Variants in GPD1L observed in about 807,000 individuals in gnomAD.
The protein encoded by GPD1L is glycerol-3-phosphate dehydrogenase 1-like protein.
In GPD1L, 17 loss-of-function variants were observed where a neutral mutation model predicts 32.9. The ratio of observed to expected loss-of-function variants is 0.52; its 90% CI spans 0.35 to 0.78. The LOEUF is 0.78. Among genes scored for constraint, GPD1L ranks in the 30% least tolerant of loss-of-function variants. GPD1L has a pLI of 0.01. For synonymous variants in GPD1L, 187 were observed against 165.9 expected, an observed-to-expected ratio of 1.13 and a Z score of -0.98; for missense variants, 361 against 447.8, an observed-to-expected ratio of 0.81 and a Z score of 1.75.
chr3:32,110,974 TC>T (rs1700236327), intron 1 of GPD1L, among the ~76,000 whole-genome samples: 1 of 152,238 alleles, frequency 6.6e-6, no homozygotes, highest in Non-Finnish European at 1.5e-5. Flanking sequence ...CTAGCGATTC[TC>T]ATGCCTCCGC....
intron 1 of GPD1L, among the ~76,000 whole-genome samples, chr3:32,122,049 G>A (rs138385536): frequency 2.0e-5 from 3 of 152,206 alleles, no homozygotes; most frequent in South Asian, 2.1e-4. Flanking sequence ...GATTACAGGC[G>A]TGAGCCACCG....
At chr3:32,145,973 G>A (rs1480832292) in intron 4 of GPD1L, among the ~76,000 whole-genome samples, 1 of 151,892 alleles carries the variant, frequency 6.6e-6, no homozygotes, top group African/African-American at 2.4e-5. Flanking sequence ...CTCCTGGCCA[G>A]TCTCATTTCA....
intron 1 of GPD1L, among the ~76,000 whole-genome samples, chr3:32,112,643 A>T (rs1181148400): frequency 6.6e-6 from 1 of 152,146 alleles, no homozygotes; most frequent in Non-Finnish European, 1.5e-5. Flanking sequence ...ATCTCAAAAA[A>T]ATATATATAA....
intron 5 of GPD1L, chr3:32,158,452 TG>T (rs1368869435): frequency 1.7e-5 from 5 of 288,196 alleles, no homozygotes; most frequent in Non-Finnish European, 2.0e-5. Context: ...GTGCTGGCTA[TG>T]GGGGTATGCT....
chr3:32,140,833 G>T (rs1371740190), intron 4 of GPD1L, among the ~76,000 whole-genome samples: 2 of 152,120 alleles, frequency 1.3e-5, no homozygotes, highest in Non-Finnish European at 2.9e-5. Flanking sequence ...TAAATTACCT[G>T]CCCCAAGATC....
chr3:32,145,719 C>G (rs1700810679), intron 4 of GPD1L, among the ~76,000 whole-genome samples: 1 of 152,162 alleles, frequency 6.6e-6, no homozygotes, highest in Non-Finnish European at 1.5e-5. Flanking sequence ...AACAGTGTTG[C>G]ACAGAGTCAC....
At chr3:32,107,179 G>C (rs896486331) in intron 1 of GPD1L, among the ~76,000 whole-genome samples, 3 of 152,168 alleles carry the variant, frequency 2.0e-5, no homozygotes, top group African/African-American at 7.2e-5. Context: ...TGAGGAAACC[G>C]AGGCGGAGAG....
At chr3:32,123,986 C>T (rs1700467415) in intron 1 of GPD1L, among the ~76,000 whole-genome samples, 1 of 152,176 alleles carries the variant, frequency 6.6e-6, no homozygotes, top group Non-Finnish European at 1.5e-5. Flanking sequence ...GTAGTCAGTA[C>T]TTTTATTTTA....
chr3:32,148,395 C>G (rs1700863352), intron 5 of GPD1L, among the ~76,000 whole-genome samples: 1 of 152,120 alleles, frequency 6.6e-6, no homozygotes, highest in Admixed American at 6.5e-5. Context: ...TGCCAGCTAC[C>G]TTGATGGAAA....
chr3:32,112,015 AC>A (rs1293727021), intron 1 of GPD1L, among the ~76,000 whole-genome samples: 1 of 152,204 alleles, frequency 6.6e-6, no homozygotes, highest in Non-Finnish European at 1.5e-5. Flanking sequence ...GCGCACGGAC[AC>A]ACTTCTGCCT....
In GPD1L at chr3:32,128,177, G is replaced by A. The variant is rs1275749922; in HGVS notation, c.149G>A (p.Arg50Lys). 6.2e-7 allele frequency: 1 copy of A among 1,612,788 alleles called. No homozygotes were observed. Among genetic ancestry groups the A allele is most frequent in the Admixed American group, 1.7e-5 (1 of 60,022 alleles). Residue 50 changes from arginine to lysine, a missense_variant, in exon 2 of 8, where the codon AGA becomes AAA. By Grantham distance (26) the Arg-to-Lys change is conservative. Transcript: ENST00000282541. ...GTCTTTGAAGAAACAGTGAATGGCAGAAAACTGACAGACATCATAAATAAT... is the reference window on the plus strand; with the variant it reads ...GTCTTTGAAGAAACAGTGAATGGCAAAAAACTGACAGACATCATAAATAAT... ...MWVFEETVNG[R>K]KLTDIINNDH...
At chr3:32,143,287 A>G (rs1015904416) in intron 4 of GPD1L, among the ~76,000 whole-genome samples, 2 of 152,174 alleles carry the variant, frequency 1.3e-5, no homozygotes, top group Non-Finnish European at 2.9e-5. Context: ...GAATTAATTA[A>G]TTTTTAAAAG....
chr3:32,165,989 C>T lies in GPD1L; in HGVS notation c.*79C>T. 2.5e-6 allele frequency: 2 copies of T among 813,982 alleles called. No individual in the cohort carries two copies. Among genetic ancestry groups the T allele is most frequent in the Non-Finnish European group, 4.4e-6 (2 of 455,428 alleles). 50.4% of individuals were successfully genotyped at this position (813,982 alleles called of 1,614,324 possible). On this transcript the variant is annotated 3_prime_UTR_variant, in exon 8 of 8. Transcript: ENST00000282541. ...GGTTCACGTGGAAACCAGGACTTGG[C>T]AACATGATGTTTGACTGTAATCTCA...
intron 7 of GPD1L, among the ~76,000 whole-genome samples, chr3:32,161,325 C>T (rs957629385): frequency 7.9e-5 from 12 of 152,016 alleles, no homozygotes; most frequent in African/African-American, 2.9e-4. Context: ...GATGGAAGTT[C>T]ACAAACAGGC....
rs554815573 is a variant in GPD1L at position 32,113,794 on chromosome 3, G to A, written c.47+7036G>A. 2.6e-5 allele frequency among the ~76,000 whole-genome samples: 4 copies of A among 152,282 alleles called. No homozygotes were observed. In the South Asian group the frequency reaches 6.2e-4, roughly 24 times the overall value. ...ACCTGGCAGATTTTCTGCTGATCTA[G>A]CCTAGGCTCACTCATATGGCTGTGG... On this transcript the variant is annotated intron_variant, in intron 1 of 7. Transcript: ENST00000282541.
At chr3:32,138,276 A>G (rs74372564) in intron 2 of GPD1L, among the ~76,000 whole-genome samples, 4,486 of 152,222 alleles carry the variant, frequency 0.029, 317 homozygotes, top group East Asian at 0.25. Context: ...AAAATGGATG[A>G]GGGGGCTGGT....
intron 2 of GPD1L, among the ~76,000 whole-genome samples, chr3:32,132,563 G>C (rs1354342732): frequency 1.3e-5 from 2 of 152,102 alleles, no homozygotes; most frequent in Admixed American, 1.3e-4. Context: ...TTCCTCCCTG[G>C]GTTTAACTCT....
chr3:32,165,412 TG>T (rs1488910123), intron 7 of GPD1L, among the ~76,000 whole-genome samples: 2 of 75,836 alleles, frequency 2.6e-5, no homozygotes, highest in Non-Finnish European at 5.0e-5. Context: ...TGATTCTTTT[TG>T]GAGAAGGGAG....
chr3:32,110,346 A>G (rs572027344), intron 1 of GPD1L, among the ~76,000 whole-genome samples: 3 of 152,314 alleles, frequency 2.0e-5, no homozygotes, highest in South Asian at 4.1e-4. Context: ...CCTTTTGCCA[A>G]TTTTAATACA....
Sources: gnomAD v4.1 joint callset for allele counts (sites outside exome capture counted in the v4.1 genomes callset) on GRCh38, gnomAD v4.1.1 for gene constraint, MANE v1.5 for transcripts, NCBI Gene and HGNC (gene_info 2026-07-23, HGNC 2026-07-21) for gene names.